Variants in MINDY2 observed in about 807,000 individuals in gnomAD.
MINDY2 encodes MINDY lysine 48 deubiquitinase 2.
MINDY2 carries 52 observed loss-of-function variants against 68.2 expected under a neutral mutation model. The observed-to-expected ratio is 0.76, with a 90% CI of 0.61 to 0.96. MINDY2 has a LOEUF of 0.96. MINDY2 is among the 40% of genes least tolerant of loss of function. The pLI is 0.00. For missense variants in MINDY2, 881 were observed against 773.4 expected (o/e 1.14, Z -1.65); for synonymous variants, 372 against 303.0 (o/e 1.23, Z -2.36).
intron 8 of MINDY2, 70 bp from the exon 9 acceptor site, chr15:58,854,412 T>C (rs1388957266): frequency 2.6e-6 from 4 of 1,534,034 alleles, no homozygotes; most frequent in East Asian, 2.3e-5. Context: ...ACAGTTTTCC[T>C]TTCTAGATAA....
chr15:58,784,620 CTTTT>C (rs777455607), intron 1 of MINDY2, among the ~76,000 whole-genome samples: 1 of 129,858 alleles, frequency 7.7e-6, no homozygotes, highest in Non-Finnish European at 1.6e-5. Context: ...TCTTTCTTTC[CTTTT>C]TTTTTTTTTT....
At position 58,859,074 on chromosome 15, in the gene MINDY2, A is replaced by G. The variant is rs1454343693; in HGVS notation, c.*4464A>G. The G allele has an allele frequency of 1.3e-5, 2 of 152,102 alleles. No homozygotes were observed. Among genetic ancestry groups the G allele is most frequent in the Admixed American group, 1.3e-4 (2 of 15,274 alleles). 9.4% of individuals were successfully genotyped at this position (152,102 alleles called of 1,614,324 possible). On this transcript the variant is annotated 3_prime_UTR_variant, in exon 9 of 9. Coordinates refer to ENST00000559228, the MANE Select transcript of MINDY2 (RefSeq NM_001040450.3). ...CACACTTTTTTCTCAATAACAAAAT[A>G]TATCTTAAGTCAGTTTTTTTAATGC...
chr15:58,849,031 G>A (rs1286607776), intron 7 of MINDY2, among the ~76,000 whole-genome samples: 1 of 151,986 alleles, frequency 6.6e-6, no homozygotes, highest in African/African-American at 2.4e-5. Flanking sequence ...CCAACATGGC[G>A]AAACCCTGTC....
In MINDY2 at chr15:58,822,628, G is replaced by A. The variant is rs151113007; in HGVS notation, c.1225+809G>A. 1.4e-4 allele frequency among the ~76,000 whole-genome samples: 21 copies of A among 152,186 alleles called. 1 individual carries two copies. Among genetic ancestry groups the A allele is most frequent in the Admixed American group, 1.2e-3 (19 of 15,272 alleles). On this transcript the variant is annotated intron_variant, in intron 5 of 8. Coordinates refer to ENST00000559228, the MANE Select transcript of MINDY2 (RefSeq NM_001040450.3). Reference sequence around the variant, plus strand: ...TGAAAATCAGTTTTTCTAATCCTTAGCTAACTGGAATTCCTAAATTCATCG... The same window carrying A: ...TGAAAATCAGTTTTTCTAATCCTTAACTAACTGGAATTCCTAAATTCATCG...
chr15:58,834,245 T>C (rs775329424), intron 6 of MINDY2, among the ~76,000 whole-genome samples: 6 of 152,192 alleles, frequency 3.9e-5, no homozygotes, highest in Non-Finnish European at 7.3e-5. Context: ...CTCCTATGTC[T>C]ACTTTCTGCA....
chr15:58,801,408 AAGAT>A (rs1902648948), intron 2 of MINDY2, among the ~76,000 whole-genome samples: 1 of 123,774 alleles, frequency 8.1e-6, no homozygotes, highest in African/African-American at 3.1e-5. Context: ...AAAAAAAAAA[AAGAT>A]GATAATTATA....
chr15:58,816,377 GAATTCTTTTTTTTATTTTT>G (rs1235175926), intron 4 of MINDY2, among the ~76,000 whole-genome samples: 1 of 152,158 alleles, frequency 6.6e-6, no homozygotes, highest in Non-Finnish European at 1.5e-5. Flanking sequence ...ATGTAAGCCT[GAATTCTTTTTTTTATTTTT>G]AATTCTTTTT....
At chr15:58,786,388 C>T (rs1299691176) in intron 1 of MINDY2, among the ~76,000 whole-genome samples, 1 of 152,128 alleles carries the variant, frequency 6.6e-6, no homozygotes, top group East Asian at 1.9e-4. Flanking sequence ...TTTATTTTTT[C>T]TCCTAGTCTA....
intron 2 of MINDY2, among the ~76,000 whole-genome samples, chr15:58,793,779 A>G (rs932287263): frequency 3.3e-5 from 5 of 152,318 alleles, no homozygotes; most frequent in South Asian, 4.1e-4. Context: ...TATTTTCTCA[A>G]TGAAATAGGA....
intron 3 of MINDY2, among the ~76,000 whole-genome samples, chr15:58,809,200 A>G (rs1230765214): frequency 6.6e-6 from 1 of 152,186 alleles, no homozygotes; most frequent in African/African-American, 2.4e-5. Flanking sequence ...CAACAGAGTG[A>G]GACCCTATAT....
Position 58,857,557 on chromosome 15 carries a change from T to TAAAAAG in MINDY2, c.*2948_*2949insAAAAGA, listed in dbSNP as rs1567083263. ...TCAAAAAAAAAAAAAAAAAAAAAAT[T>TAAAAAG]AGAGCTATTGTGTCTTTATTTTCTT... On this transcript the variant is annotated 3_prime_UTR_variant, in exon 9 of 9. Transcript: ENST00000559228. 6.2e-5 allele frequency: 7 copies of TAAAAAG among 112,554 alleles called. No individual in the cohort carries two copies. The highest frequency in any genetic ancestry group is 2.4e-4 in the East Asian group (1 of 4,108). 7.0% of individuals were successfully genotyped at this position (112,554 alleles called of 1,614,324 possible).
rs2033192419 is a variant in MINDY2, at chr15:58,860,589, A to AG, written c.*5979_*5980insG. On this transcript the variant is annotated 3_prime_UTR_variant, in exon 9 of 9. Coordinates refer to ENST00000559228, the MANE Select transcript of MINDY2 (RefSeq NM_001040450.3). ...ACTCTTATATCTCAAAAAAAAAAAA[A>AG]AAAAAAAGTCAAGAAACTGAAATTC... The AG allele has an allele frequency of 6.6e-6, 1 of 151,828 alleles. No individual in the cohort carries two copies. The highest frequency in any genetic ancestry group is 2.4e-5 in the African/African-American group (1 of 41,398). 9.4% of individuals were successfully genotyped at this position (151,828 alleles called of 1,614,324 possible).
intron 2 of MINDY2, among the ~76,000 whole-genome samples, chr15:58,791,073 G>A (rs1321931805): frequency 6.7e-6 from 1 of 150,158 alleles, no homozygotes; most frequent in Non-Finnish European, 1.5e-5. Flanking sequence ...CCAACTACTC[G>A]GGAGGCTGAG....
intron 1 of MINDY2, among the ~76,000 whole-genome samples, chr15:58,781,223 T>G (rs1901121303): frequency 6.6e-6 from 1 of 152,118 alleles, no homozygotes; most frequent in Non-Finnish European, 1.5e-5. Flanking sequence ...CTAATTGTTT[T>G]GTATTTTTAG....
intron 6 of MINDY2, among the ~76,000 whole-genome samples, chr15:58,845,799 G>T (rs1478688281): frequency 6.6e-6 from 1 of 152,172 alleles, no homozygotes; most frequent in Non-Finnish European, 1.5e-5. Flanking sequence ...ATCAAGCTGT[G>T]TCCATTGACA....
intron 1 of MINDY2, among the ~76,000 whole-genome samples, chr15:58,778,729 C>G (rs1900936474): frequency 6.6e-6 from 1 of 151,598 alleles, no homozygotes; most frequent in Admixed American, 6.6e-5. Context: ...CGAGCTCAAG[C>G]AATCCTCCCA....
In MINDY2 at chr15:58,831,484, T is replaced by C. The variant is rs535276965; in HGVS notation, c.1226-290T>C. Among the ~76,000 whole-genome samples, 15 of 152,350 alleles carry C rather than the reference T, an allele frequency of 9.8e-5. No homozygotes were observed. The South Asian group carries it at 2.7e-3, about 27-fold the overall frequency. On this transcript the variant is annotated intron_variant, in intron 5 of 8. Transcript: ENST00000559228. ...TTTAGTTTTATTGTGTCTGCTTTTT[T>C]ACTGCAACCTGCATGAAATCCTTTG...
chr15:58,781,779 T>C (rs1339891542), intron 1 of MINDY2, among the ~76,000 whole-genome samples: 3 of 152,010 alleles, frequency 2.0e-5, no homozygotes, highest in Admixed American at 2.0e-4. Flanking sequence ...GGCGGGCGCC[T>C]GTAATCCCAG....
intron 4 of MINDY2, among the ~76,000 whole-genome samples, chr15:58,814,717 G>A (rs2030558437): frequency 6.6e-6 from 1 of 150,628 alleles, no homozygotes; most frequent in African/African-American, 2.4e-5. Flanking sequence ...TTGTAATTGA[G>A]TTGCAAATGT....
Sources: allele counts gnomAD v4.1 joint callset (sites outside exome capture counted in the v4.1 genomes callset), GRCh38; gene constraint gnomAD v4.1.1; transcripts MANE v1.5; gene names NCBI Gene and HGNC (gene_info 2026-07-23, HGNC 2026-07-21).